Variants in AGTPBP1 observed in about 807,000 individuals in gnomAD.
AGTPBP1 encodes cytosolic carboxypeptidase 1.
In AGTPBP1, 70 loss-of-function variants were observed where a neutral mutation model predicts 143.9. That is an observed-to-expected ratio of 0.49 (90% CI 0.40 to 0.59). AGTPBP1 has a LOEUF of 0.59. Ranked by LOEUF, AGTPBP1 falls within the 20% of genes least tolerant of loss-of-function variation. The pLI, the probability that AGTPBP1 is intolerant of heterozygous loss-of-function variation, is 0.00. For missense variants in AGTPBP1, 1,229 were observed against 1,464.5 expected (o/e 0.84, Z 2.62); for synonymous variants, 463 against 500.2 (o/e 0.93, Z 0.99).
At chr9:85,672,156 C>A (rs1758200081) in intron 7 of AGTPBP1, among the ~76,000 whole-genome samples, 1 of 151,978 alleles carries the variant, frequency 6.6e-6, no homozygotes, top group South Asian at 2.1e-4. Context: ...TTGCAACCTC[C>A]ACTTCCCAGG....
At chr9:85,647,815 A>C (rs922552412) in intron 11 of AGTPBP1, among the ~76,000 whole-genome samples, 1 of 152,208 alleles carries the variant, frequency 6.6e-6, no homozygotes, top group Non-Finnish European at 1.5e-5. Context: ...AAAATAACAA[A>C]AGGTATGACT....
chr9:85,684,450 T>C (rs1415357025), intron 3 of AGTPBP1, among the ~76,000 whole-genome samples: 1 of 152,054 alleles, frequency 6.6e-6, no homozygotes, highest in Non-Finnish European at 1.5e-5. Flanking sequence ...TACCAACATA[T>C]CAGTTGTTCC....
At chr9:85,672,927 C>T (rs1442068325) in intron 6 of AGTPBP1, among the ~76,000 whole-genome samples, 2 of 151,326 alleles carry the variant, frequency 1.3e-5, no homozygotes, top group African/African-American at 4.9e-5. Flanking sequence ...TGGAGACGGG[C>T]TTTCGCCATG....
intron 23 of AGTPBP1, among the ~76,000 whole-genome samples, chr9:85,583,680 T>C (rs1440496540): frequency 6.6e-6 from 1 of 152,094 alleles, no homozygotes; most frequent in Non-Finnish European, 1.5e-5. Flanking sequence ...ATGGAAAAAC[T>C]GTTTTGCATT....
intron 15 of AGTPBP1, 99 bp from the exon 16 acceptor site, chr9:85,619,400 C>T (rs1170599307): frequency 1.3e-6 from 1 of 757,486 alleles, no homozygotes; most frequent in African/African-American, 1.8e-5. Flanking sequence ...ATCACTACTG[C>T]CATATCACCT....
At chr9:85,749,620 T>C in the AGTPBP1 span, among the ~76,000 whole-genome samples, 1 of 152,072 alleles carries the variant, frequency 6.6e-6, no homozygotes, top group East Asian at 1.9e-4. Flanking sequence ...AGAAAAGATA[T>C]GAGAACTCCT....
intron 1 of AGTPBP1, among the ~76,000 whole-genome samples, chr9:85,735,391 G>C (rs931349902): frequency 6.6e-6 from 1 of 152,174 alleles, no homozygotes; most frequent in African/African-American, 2.4e-5. Flanking sequence ...GGGAGGGGGA[G>C]AGTAATTGTT....
intron 25 of AGTPBP1, among the ~76,000 whole-genome samples, chr9:85,574,405 T>C (rs1231431537): frequency 1.4e-5 from 2 of 141,748 alleles, no homozygotes; most frequent in African/African-American, 5.3e-5. Context: ...TGACCTTCCC[T>C]CCACTATTGT....
At position 85,592,679 on chromosome 9, in the gene AGTPBP1, C is replaced by T. The variant is rs770044214; in HGVS notation, c.2449G>A (p.Ala817Thr). ...YKNHFSRSSV[A>T]AGGQKGKSYY... Reference sequence around the variant, plus strand: ...GATTTTCCCTTTTGCCCACCTGCAGCAACTGAACTTCTTGAGAAATGATTT... The same window carrying T: ...GATTTTCCCTTTTGCCCACCTGCAGTAACTGAACTTCTTGAGAAATGATTT... Residue 817 changes from alanine to threonine, a missense_variant, in exon 19 of 26, where the codon GCT (alanine) becomes ACT (threonine). By Grantham distance (58) the Ala-to-Thr change is moderately conservative. This residue lies in a region of AGTPBP1 where 486 missense variants were observed against 652.3 expected (regional missense o/e 0.75). Transcript: ENST00000357081. 1 of 1,610,804 alleles carries T rather than the reference C, an allele frequency of 6.2e-7. No individual in the cohort carries two copies. Among genetic ancestry groups the T allele is most frequent in the Non-Finnish European group, 8.5e-7 (1 of 1,178,856 alleles).
At chr9:85,717,837 C>A (rs988169574) in intron 1 of AGTPBP1, among the ~76,000 whole-genome samples, 2 of 152,032 alleles carry the variant, frequency 1.3e-5, no homozygotes, top group Middle Eastern at 3.4e-3. Context: ...CAGCCCCCCA[C>A]CCCCTAACAG....
chr9:85,654,277 A>G (rs1833353015), intron 11 of AGTPBP1, among the ~76,000 whole-genome samples: 1 of 152,132 alleles, frequency 6.6e-6, no homozygotes, highest in Admixed American at 6.5e-5. Context: ...TGTCAAAGAA[A>G]TTCTTCTTCC....
intron 25 of AGTPBP1, among the ~76,000 whole-genome samples, chr9:85,548,153 T>C (rs527634664): frequency 6.6e-6 from 1 of 152,240 alleles, no homozygotes; most frequent in African/African-American, 2.4e-5. Context: ...TTCCTATAAC[T>C]GATGCAATTA....
chr9:85,745,350 C>G (rs1015628310), upstream of AGTPBP1, among the ~76,000 whole-genome samples: 3 of 152,214 alleles, frequency 2.0e-5, no homozygotes, highest in African/African-American at 7.2e-5. Flanking sequence ...AGCTGGTCCT[C>G]TGGAGTTAGA....
intron 6 of AGTPBP1, among the ~76,000 whole-genome samples, chr9:85,676,281 A>T (rs147330455): frequency 5.3e-4 from 81 of 152,292 alleles, no homozygotes; most frequent in African/African-American, 1.8e-3. Context: ...AATGGGAGGA[A>T]ATACTTACAG....
chr9:85,606,596 T>C (rs1830003801), intron 17 of AGTPBP1, among the ~76,000 whole-genome samples: 1 of 152,048 alleles, frequency 6.6e-6, no homozygotes, highest in African/African-American at 2.4e-5. Context: ...AAAGGATACC[T>C]ACACCCACCC....
At chr9:85,720,055 C>G (rs1837997726) in intron 1 of AGTPBP1, among the ~76,000 whole-genome samples, 1 of 152,136 alleles carries the variant, frequency 6.6e-6, no homozygotes, top group African/African-American at 2.4e-5. Context: ...CTGCTGGATT[C>G]AGTTTGCCAG....
chr9:85,752,201 G>A, the AGTPBP1 span, among the ~76,000 whole-genome samples: 68 of 152,018 alleles, frequency 4.5e-4, no homozygotes, highest in African/African-American at 1.6e-3. Flanking sequence ...TTATGCTATT[G>A]CATACAGCCT....
At chr9:85,718,027 C>A (rs1348309236) in intron 1 of AGTPBP1, among the ~76,000 whole-genome samples, 1 of 152,178 alleles carries the variant, frequency 6.6e-6, no homozygotes, top group Non-Finnish European at 1.5e-5. Context: ...TTTATGGCTG[C>A]ATAGTATTCC....
Position 85,643,130 on chromosome 9 carries a change from GT to G in AGTPBP1, c.1186-188del, listed in dbSNP as rs1564097378. On this transcript the variant is annotated intron_variant, in intron 12 of 25. Coordinates refer to ENST00000357081, the MANE Select transcript of AGTPBP1 (RefSeq NM_001330701.2). Reference sequence around the variant, plus strand: ...ATTGTTTTGGGGTTGTTGTGTTATTGTTGGGTAGTTTTGTTTTGTTTTTGTC... The same window carrying G: ...ATTGTTTTGGGGTTGTTGTGTTATTGTGGGTAGTTTTGTTTTGTTTTTGTC... 16 of 541,282 alleles carry G rather than the reference GT, an allele frequency of 3.0e-5. No homozygotes were observed. The East Asian group carries it at 5.0e-4, about 17-fold the overall frequency. The allele number at this position is 541,282 out of a possible 1,614,324, so 33.5% of individuals were successfully genotyped here.
Sources: allele counts gnomAD v4.1 joint callset (sites outside exome capture counted in the v4.1 genomes callset), GRCh38; gene constraint gnomAD v4.1.1; regional missense constraint gnomAD v4.1.1; transcripts MANE v1.5; gene names NCBI Gene and HGNC (gene_info 2026-07-23, HGNC 2026-07-21).